ZEB1: variants seen among roughly 807,000 people sequenced by gnomAD.
The protein encoded by ZEB1 is zinc finger E-box-binding homeobox 1.
ZEB1 carries 21 observed loss-of-function variants against 84.9 expected under a neutral mutation model. The ratio of observed to expected loss-of-function variants is 0.25; its 90% confidence interval spans 0.18 to 0.36. The LOEUF is 0.36. Among genes scored for constraint, ZEB1 ranks in the 10% least tolerant of loss-of-function variants. The pLI is 1.00. For synonymous variants in ZEB1, 420 were observed against 471.1 expected (o/e 0.89, Z 1.41); for missense variants, 1,104 against 1,330.2 (o/e 0.83, Z 2.65).
At chr10:31,319,338 G>C in intron 1 of ZEB1, 46 bp downstream of exon 1, 1 of 1,579,226 alleles carries the variant, frequency 6.3e-7, no homozygotes. Context: ...AGGGGGAGCT[G>C]GGCAGCCGGG....
intron 1 of ZEB1, among the ~76,000 whole-genome samples, chr10:31,370,250 A>G (rs2045453210): frequency 6.6e-6 from 1 of 152,174 alleles, no homozygotes; most frequent in African/African-American, 2.4e-5. Context: ...GTTTCTACTG[A>G]TATCCATATG....
rs60711399 is a variant in ZEB1 at position 31,361,256 on chromosome 10, G to A, written c.58+41964G>A. ...TCACCAGGCTGGAGTGCAGTGGTGC[G>A]ATCTCGGCTCACTGCAACCTCCACT... On this transcript the variant is annotated intron_variant, in intron 1 of 8. Transcript: ENST00000424869. 2,114 of 1,578,286 alleles carry A rather than the reference G, an allele frequency of 1.3e-3. 22 individuals carry two copies. In the African/African-American group the frequency reaches 0.022, roughly 17 times the overall value.
chr10:31,523,803 C>A, intron 7 of ZEB1, 130 bp from the exon 8 acceptor site: 1 of 1,055,092 alleles, frequency 9.5e-7, no homozygotes, highest in Non-Finnish European at 1.4e-6. Flanking sequence ...GATCAGTGTG[C>A]TTGCTTTGGT....
At chr10:31,472,458 A>G (rs1178213092) in intron 2 of ZEB1, among the ~76,000 whole-genome samples, 6 of 152,112 alleles carry the variant, frequency 3.9e-5, no homozygotes, top group Admixed American at 2.6e-4. Flanking sequence ...GAAAATCTAG[A>G]AGAAATGGAT....
intron 2 of ZEB1, among the ~76,000 whole-genome samples, chr10:31,488,560 TC>T (rs2066056217): frequency 1.3e-5 from 2 of 150,932 alleles, no homozygotes; most frequent in African/African-American, 4.8e-5. Context: ...TTTTATTACT[TC>T]TTTCTGCTTG....
chr10:31,370,532 T>G (rs2045506971), intron 1 of ZEB1, among the ~76,000 whole-genome samples: 1 of 152,232 alleles, frequency 6.6e-6, no homozygotes, highest in Admixed American at 6.5e-5. Flanking sequence ...TAAGGTTGAA[T>G]GTATGTCTTA....
chr10:31,360,015 A>G (rs576117909), intron 1 of ZEB1, among the ~76,000 whole-genome samples: 18 of 152,318 alleles, frequency 1.2e-4, no homozygotes, highest in African/African-American at 4.1e-4. Flanking sequence ...AAAGCTTGAT[A>G]TTAATTCTGA....
At chr10:31,516,015 G>C (rs1298311309) in intron 6 of ZEB1, among the ~76,000 whole-genome samples, 1 of 152,044 alleles carries the variant, frequency 6.6e-6, no homozygotes, top group African/African-American at 2.4e-5. Context: ...TATTCATTTT[G>C]TCATATTGCA....
At chr10:31,496,353 G>C (rs2067234297) in intron 3 of ZEB1, among the ~76,000 whole-genome samples, 2 of 151,998 alleles carry the variant, frequency 1.3e-5, no homozygotes, top group South Asian at 4.1e-4. Context: ...AATTTTCTGT[G>C]ATTGAAAAAG....
chr10:31,326,735 A>G (rs945461343), intron 1 of ZEB1, among the ~76,000 whole-genome samples: 4 of 152,232 alleles, frequency 2.6e-5, no homozygotes, highest in African/African-American at 9.6e-5. Context: ...CAAATTTATT[A>G]TACTTAAAAC....
rs187825699 is a variant in ZEB1, at chr10:31,496,686, G to T, written c.322+848G>T. ...ATTCAACCATAAATTAGATATTTCT[G>T]TCATATAGTTTTAATTACATTTTCT... On this transcript the variant is annotated intron_variant, in intron 3 of 8. Coordinates refer to ENST00000424869, the MANE Select transcript of ZEB1 (RefSeq NM_001174096.2). Among the ~76,000 whole-genome samples, 235 of 152,102 alleles carry T rather than the reference G, an allele frequency of 1.5e-3. 1 individual carries two copies. The highest frequency in any genetic ancestry group is 4.7e-3 in the African/African-American group (196 of 41,526).
At chr10:31,423,691 A>G (rs1423047697) in intron 1 of ZEB1, among the ~76,000 whole-genome samples, 1 of 152,114 alleles carries the variant, frequency 6.6e-6, no homozygotes, top group Non-Finnish European at 1.5e-5. Context: ...GGAAAAAATG[A>G]GAAAAGCTGG....
chr10:31,403,605 T>G (rs11008486), intron 1 of ZEB1, among the ~76,000 whole-genome samples: 9,797 of 152,068 alleles, frequency 0.064, 778 homozygotes, highest in African/African-American at 0.18. Flanking sequence ...GTAAGAATCT[T>G]CATCCTAATT....
intron 1 of ZEB1, among the ~76,000 whole-genome samples, chr10:31,438,773 G>C (rs1156509554): frequency 6.6e-6 from 1 of 152,214 alleles, no homozygotes; most frequent in East Asian, 1.9e-4. Context: ...GAGCCTAGCA[G>C]TACACAGGTG....
At chr10:31,388,486 A>G (rs1358506515) in intron 1 of ZEB1, among the ~76,000 whole-genome samples, 1 of 152,116 alleles carries the variant, frequency 6.6e-6, no homozygotes, top group Non-Finnish European at 1.5e-5. Flanking sequence ...TTAAAGAGGA[A>G]AAATACTTGT....
At chr10:31,412,193 G>T (rs377451220) in intron 1 of ZEB1, among the ~76,000 whole-genome samples, 2 of 152,184 alleles carry the variant, frequency 1.3e-5, no homozygotes, top group African/African-American at 4.8e-5. Flanking sequence ...AACTAAATGA[G>T]AAGGGAATAC....
chr10:31,514,576 A>G lies in ZEB1; in HGVS notation c.688-27A>G, dbSNP rs1262136665. The G allele has an allele frequency of 3.1e-6, 5 of 1,599,076 alleles. No homozygotes were observed. In the Admixed American group the frequency reaches 8.4e-5, roughly 27 times the overall value. ...TAGTCTAAAGATCTTTTGCTTTTCA[A>G]ATAAAATACCAGTTCTTTTCTTACA... On this transcript the variant is annotated intron_variant, in intron 5 of 8. Coordinates refer to ENST00000424869, the MANE Select transcript of ZEB1 (RefSeq NM_001174096.2).
intron 2 of ZEB1, among the ~76,000 whole-genome samples, chr10:31,477,626 G>A (rs1485139772): frequency 6.6e-6 from 1 of 151,882 alleles, no homozygotes; most frequent in Admixed American, 6.6e-5. Context: ...AGGCTGAACA[G>A]CATGTTACTG....
At chr10:31,398,785 C>G (rs2051316502) in intron 1 of ZEB1, among the ~76,000 whole-genome samples, 1 of 152,034 alleles carries the variant, frequency 6.6e-6, no homozygotes, top group African/African-American at 2.4e-5. Context: ...ACTACACTGT[C>G]CTGTTTTTTT....
Sources: allele counts gnomAD v4.1 joint callset (sites outside exome capture counted in the v4.1 genomes callset), GRCh38; gene constraint gnomAD v4.1.1; transcripts MANE v1.5; gene names NCBI Gene and HGNC (gene_info 2026-07-23, HGNC 2026-07-21).